TLE3: variants seen among roughly 807,000 people sequenced by gnomAD.
TLE3 encodes the protein transducin-like enhancer protein 3.
Under a neutral mutation model 93.0 loss-of-function variants are expected in TLE3, and 14 were observed. The ratio of observed to expected loss-of-function variants is 0.15; its 90% CI spans 0.10 to 0.24. The LOEUF is 0.24. Ranked by LOEUF, TLE3 falls within the 10% of genes least tolerant of loss-of-function variation. The probability of loss-of-function intolerance (pLI) is 1.00; values close to 1 mark genes in which losing one functional copy is unlikely to be tolerated. For synonymous variants in TLE3, 451 were observed against 425.0 expected (o/e 1.06, Z -0.75); for missense variants, 693 against 1,046.6 (o/e 0.66, Z 4.66).
In TLE3 at chr15:70,060,606, T is replaced by C; in HGVS notation, c.638A>G (p.Lys213Arg). 2 of 1,614,016 alleles carry C rather than the reference T, an allele frequency of 1.2e-6. No homozygotes were observed. Among genetic ancestry groups the C allele is most frequent in the Non-Finnish European group, 8.5e-7 (1 of 1,179,874 alleles). ...SPSESLRASE[K>R]HRGSADYSME... ...GCTGTAGTCCGCAGAGCCCCGGTGC[T>C]TCTCACTGGCCCGGAGGCTTTCCGA... The change falls in exon 9 of 20, where the codon AAG becomes AGG. Residue 213 changes from lysine (K) to arginine (R), a missense_variant. By Grantham distance (26) the Lys-to-Arg change is conservative (BLOSUM62 2). Around this residue, in one of 4 missense-constraint regions of TLE3, gnomAD observed 405 missense variants for 468.9 expected, o/e 0.86. Transcript: ENST00000451782.
intron 7 of TLE3, among the ~76,000 whole-genome samples, chr15:70,065,532 A>G (rs1209998050): frequency 6.6e-6 from 1 of 152,230 alleles, no homozygotes; most frequent in African/African-American, 2.4e-5. Context: ...ATGTAAGGAA[A>G]ACACCCAAGA....
In TLE3 at chr15:70,085,132, T is replaced by G. The variant is rs2057983388; in HGVS notation, c.235-8974A>C. 2.0e-5 allele frequency among the ~76,000 whole-genome samples: 3 copies of G among 152,188 alleles called. No individual in the cohort carries two copies. In the South Asian group the frequency reaches 6.2e-4, roughly 31 times the overall value. On this transcript the variant is annotated intron_variant, in intron 4 of 19. Transcript: ENST00000451782. ...ACAGCATTTCCATCACTGAAGAAAG[T>G]TCTACTGGACAGCACTGCCGCAACA...
intron 7 of TLE3, among the ~76,000 whole-genome samples, chr15:70,065,172 G>GT (rs2056738479): frequency 6.6e-6 from 1 of 152,264 alleles, no homozygotes; most frequent in African/African-American, 2.4e-5. Context: ...AGGCAGGATG[G>GT]TGACATTCCA....
rs7168833 is a variant in TLE3, at chr15:70,056,766, A to C, written c.1252-392T>G. On this transcript the variant is annotated intron_variant, in intron 13 of 19. Coordinates refer to ENST00000451782, the MANE Select transcript of TLE3 (RefSeq NM_001105192.3). Reference sequence around the variant, plus strand: ...CCCGCCAACCCTAACTCTTCTTTTTATTTTTATTTTTTTGAGATGGAGTCT... The same window carrying C: ...CCCGCCAACCCTAACTCTTCTTTTTCTTTTTATTTTTTTGAGATGGAGTCT... Among the ~76,000 whole-genome samples the C allele has an allele frequency of 3.6e-3, 540 of 152,040 alleles. 2 individuals carry two copies. Among genetic ancestry groups the C allele is most frequent in the African/African-American group, 0.012 (513 of 41,468 alleles).
intron 9 of TLE3, among the ~76,000 whole-genome samples, chr15:70,060,292 T>A (rs2056381739): frequency 6.6e-6 from 1 of 152,106 alleles, no homozygotes; most frequent in South Asian, 2.1e-4. Context: ...CCATGGAGGC[T>A]AGGACGACCT....
chr15:70,078,764 G>T (rs1009125762), intron 4 of TLE3, among the ~76,000 whole-genome samples: 1 of 152,214 alleles, frequency 6.6e-6, no homozygotes, highest in African/African-American at 2.4e-5. Context: ...CCTCCCCACA[G>T]CCAGGAAGGC....
intron 16 of TLE3, 123 bp from the exon 17 acceptor site, chr15:70,053,497 T>G: frequency 8.6e-7 from 1 of 1,156,590 alleles, no homozygotes; most frequent in Non-Finnish European, 1.2e-6. Flanking sequence ...ACTATGCGCA[T>G]GGTCCCTTAG....
At position 70,076,080 on chromosome 15, in the gene TLE3, T is replaced by A; in HGVS notation, c.297+16A>T. 8.1e-6 allele frequency: 13 copies of A among 1,612,864 alleles called. No individual in the cohort carries two copies. The highest frequency in any genetic ancestry group is 1.1e-5 in the Non-Finnish European group (13 of 1,179,050). ...ATTTGGAAAGAAAAGGAAGAAATAATAAAAGAAGGTCTTACCTCTTGTGAC... is the reference window on the plus strand; with the variant it reads ...ATTTGGAAAGAAAAGGAAGAAATAAAAAAAGAAGGTCTTACCTCTTGTGAC... On this transcript the variant is annotated intron_variant, in intron 5 of 19. Transcript: ENST00000451782.
rs1271585540 is a variant in TLE3, at chr15:70,053,328, G to A, written c.1873C>T (p.His625Tyr). ...TDGASCIDISHDGTKLWTGGL... is the reference protein window; with the variant it reads ...TDGASCIDISYDGTKLWTGGL... The stretch of plus-strand genomic sequence containing the variant: ...CCTGTCCACAGTTTGGTGCCATCAT[G>A]GGAGATGTCTATGCAGCTGGCCCCA... Residue 625 changes from histidine to tyrosine, a missense_variant, in exon 17 of 20, where the codon CAT becomes TAT. Coordinates refer to ENST00000451782, the MANE Select transcript of TLE3 (RefSeq NM_001105192.3). 1.9e-6 allele frequency: 3 copies of A among 1,609,402 alleles called. No individual in the cohort carries two copies. Among genetic ancestry groups the A allele is most frequent in the South Asian group, 2.2e-5 (2 of 89,958 alleles).
At position 70,058,077 on chromosome 15, in the gene TLE3, G is replaced by A; in HGVS notation, c.1051+82C>T. 1.3e-6 allele frequency: 2 copies of A among 1,598,008 alleles called. No homozygotes were observed. The highest frequency in any genetic ancestry group is 1.7e-6 in the Non-Finnish European group (2 of 1,170,796). Reference sequence around the variant, plus strand: ...ACTGCCTGTGCTCTATCCCATGCGTGTGTGTCACCCCTGCCCTGGCCAAGA... The same window carrying A: ...ACTGCCTGTGCTCTATCCCATGCGTATGTGTCACCCCTGCCCTGGCCAAGA... On this transcript the variant is annotated intron_variant, in intron 12 of 19. Transcript: ENST00000451782. This position sits in a 1 kb window ranked among gnomAD's most constrained non-coding sequence, Gnocchi z 4.1.
Position 70,096,884 on chromosome 15 carries a change from A to G in TLE3, c.-86T>C. 3 of 1,469,248 alleles carry G rather than the reference A, an allele frequency of 2.0e-6. No homozygotes were observed. The highest frequency in any genetic ancestry group is 1.9e-6 in the Non-Finnish European group (2 of 1,080,182). The allele number at this position is 1,469,248 out of a possible 1,614,324, so 91.0% of individuals were successfully genotyped here. ...GCGGGGGAGGGGGGAGCCGAGCCCGAGCGGGGGGCGGCCGGGAAACCGAGA... is the reference window on the plus strand; with the variant it reads ...GCGGGGGAGGGGGGAGCCGAGCCCGGGCGGGGGGCGGCCGGGAAACCGAGA... On this transcript the variant is annotated 5_prime_UTR_variant, in exon 1 of 20. Coordinates refer to ENST00000451782, the MANE Select transcript of TLE3 (RefSeq NM_001105192.3).
At position 70,096,327 on chromosome 15, in the gene TLE3, G is replaced by A. The variant is rs755664810; in HGVS notation, c.25-66C>T. ...ATGAGACCGCGCTCAGAGCGGCCCC[G>A]GCCCCTCCCCAACGGCGCCCAACCA... On this transcript the variant is annotated intron_variant, in intron 1 of 19. Coordinates refer to ENST00000451782, the MANE Select transcript of TLE3 (RefSeq NM_001105192.3). 443 of 1,534,584 alleles carry A rather than the reference G, an allele frequency of 2.9e-4. 1 individual carries two copies. The highest frequency in any genetic ancestry group is 2.1e-4 in the Non-Finnish European group (235 of 1,142,836).
intron 4 of TLE3, among the ~76,000 whole-genome samples, chr15:70,081,959 C>A (rs1003188264): frequency 6.6e-6 from 1 of 152,174 alleles, no homozygotes; most frequent in Non-Finnish European, 1.5e-5. Flanking sequence ...AAATTTTAAT[C>A]AGGTTTTACC....
chr15:70,070,882 T>C (rs769068132), intron 6 of TLE3, among the ~76,000 whole-genome samples: 1 of 152,102 alleles, frequency 6.6e-6, no homozygotes, highest in Non-Finnish European at 1.5e-5. Context: ...CAAAATATCC[T>C]GTGTATTTTG....
rs571793151 is a variant in TLE3, at chr15:70,056,465, G to C, written c.1252-91C>G. The C allele has an allele frequency of 6.3e-5, 72 of 1,145,718 alleles. No individual in the cohort carries two copies. The East Asian group carries it at 1.6e-3, about 26-fold the overall frequency. 71.0% of individuals were successfully genotyped at this position (1,145,718 alleles called of 1,614,324 possible). On this transcript the variant is annotated intron_variant, in intron 13 of 19. Coordinates refer to ENST00000451782, the MANE Select transcript of TLE3 (RefSeq NM_001105192.3). ...CCACCACCCACCCGGGGTCCTACCT[G>C]CACGGCTCTGCCACTTTGTAACCCA...
Position 70,096,872 on chromosome 15 carries a change from G to A in TLE3, c.-74C>T. On this transcript the variant is annotated 5_prime_UTR_variant, in exon 1 of 20. Transcript: ENST00000451782. Reference sequence around the variant, plus strand: ...GGCCGGGGAGGTGCGGGGGAGGGGGGAGCCGAGCCCGAGCGGGGGGCGGCC... The same window carrying A: ...GGCCGGGGAGGTGCGGGGGAGGGGGAAGCCGAGCCCGAGCGGGGGGCGGCC... 2 of 1,544,516 alleles carry A rather than the reference G, an allele frequency of 1.3e-6. No individual in the cohort carries two copies. The highest frequency in any genetic ancestry group is 1.8e-6 in the Non-Finnish European group (2 of 1,136,732).
Position 70,095,311 on chromosome 15 carries a change from A to C in TLE3, c.189+267T>G, listed in dbSNP as rs2058499380. On this transcript the variant is annotated intron_variant, in intron 3 of 19. Coordinates refer to ENST00000451782, the MANE Select transcript of TLE3 (RefSeq NM_001105192.3). ...GCCCCTGGGAAACTTTCAAAACACA[A>C]ATTAAAGGCACATAAAGATAGTACA... 3 of 1,361,608 alleles carry C rather than the reference A, an allele frequency of 2.2e-6. No individual in the cohort carries two copies. The East Asian group carries it at 9.0e-5, about 41-fold the overall frequency. 84.3% of individuals were successfully genotyped at this position (1,361,608 alleles called of 1,614,324 possible).
At chr15:70,068,983 G>C (rs2056982139) in intron 6 of TLE3, among the ~76,000 whole-genome samples, 1 of 152,226 alleles carries the variant, frequency 6.6e-6, no homozygotes. Flanking sequence ...TCTGTGTTGT[G>C]CCAGGATCAC....
In TLE3 at chr15:70,060,390, A is replaced by G. The variant is rs553507900; in HGVS notation, c.714+140T>C. On this transcript the variant is annotated intron_variant, in intron 9 of 19. Transcript: ENST00000451782. Reference sequence around the variant, plus strand: ...CCCTGTTCCCACCCTGCTCTCCTCAATAGGGTCCCCTATCGCCAACCTGTG... The same window carrying G: ...CCCTGTTCCCACCCTGCTCTCCTCAGTAGGGTCCCCTATCGCCAACCTGTG... 42 of 1,095,752 alleles carry G rather than the reference A, an allele frequency of 3.8e-5. No individual in the cohort carries two copies. In the South Asian group the frequency reaches 5.7e-4, roughly 15 times the overall value. The allele number at this position is 1,095,752 out of a possible 1,614,324, so 67.9% of individuals were successfully genotyped here. A position where few individuals can be genotyped will look rare whatever the true frequency, so the allele number is the denominator to read the frequency against.
Sources: gnomAD v4.1 joint callset for allele counts (sites outside exome capture counted in the v4.1 genomes callset) on GRCh38, gnomAD v4.1.1 for gene constraint, gnomAD v4.1.1 regional missense constraint, Gnocchi (gnomAD v3.1) non-coding constraint, MANE v1.5 for transcripts, NCBI Gene and HGNC (gene_info 2026-07-23, HGNC 2026-07-21) for gene names.